The following MST1 variants were observed in gnomAD, a reference collection of about 807,000 sequenced individuals.
MST1 encodes the protein macrophage stimulating 1, also known as hepatocyte growth factor-like protein.
MST1 carries 76 observed loss-of-function variants against 100.1 expected under a neutral mutation model. The observed-to-expected ratio is 0.76, with a 90% CI of 0.63 to 0.92. The LOEUF is 0.92. Among genes scored for constraint, MST1 ranks in the 40% least tolerant of loss-of-function variants. The pLI is 0.00. For missense variants in MST1, 850 were observed against 990.0 expected (o/e 0.86, Z 1.90); for synonymous variants, 352 against 385.4 (o/e 0.91, Z 1.01).
rs139688785 is a variant in MST1 at position 49,685,599 on chromosome 3, A to C, written c.1384T>G (p.Cys462Gly). Residue 462 changes from cysteine (C) to glycine (G), a missense_variant, in exon 11 of 18, where the codon TGC (cysteine) becomes GGC (glycine). By Grantham distance (159) the Cys-to-Gly change is radical. This residue lies in a region of MST1 where 816 missense variants were observed against 924.6 expected (regional missense o/e 0.88). Coordinates refer to ENST00000449682, the MANE Select transcript of MST1 (RefSeq NM_020998.4). Reference sequence around the variant, plus strand: ...GGGAAGCGTCACTAGTGCTCACCGCAGCGTCGCAGGGCACAGTAGTCGAAT... The same window carrying C: ...GGGAAGCGTCACTAGTGCTCACCGCCGCGTCGCAGGGCACAGTAGTCGAAT... Reference protein sequence around the residue: ...TPFDYCALRRCADDQPPSILD... With the variant: ...TPFDYCALRRGADDQPPSILD... 129 of 1,613,244 alleles carry C rather than the reference A, an allele frequency of 8.0e-5. No individual in the cohort carries two copies. Among genetic ancestry groups the C allele is most frequent in the Non-Finnish European group, 1.0e-4 (123 of 1,179,858 alleles).
intron 10 of MST1, 44 bp from the exon 11 acceptor site, chr3:49,685,776 C>A: frequency 2.5e-6 from 4 of 1,612,848 alleles, no homozygotes; most frequent in Non-Finnish European, 1.7e-6. Context: ...TAGTCTCAAC[C>A]ATTTCCAGGC....
At position 49,687,775 on chromosome 3, in the gene MST1, G is replaced by A. The variant is rs752708882; in HGVS notation, c.217C>T (p.Arg73Cys). ...CGGCAGTCCATTAAGGGCCCACAGCGACCAGCACACTCTTCAGCATCTGCC... is the reference window on the plus strand; with the variant it reads ...CGGCAGTCCATTAAGGGCCCACAGCAACCAGCACACTCTTCAGCATCTGCC... ...DVADAEECAG[R>C]CGPLMDCRAF... The change falls in exon 2 of 18, where the codon CGC becomes TGC. Residue 73 changes from arginine (R) to cysteine (C), a missense_variant. Transcript: ENST00000449682. 17 of 1,613,418 alleles carry A rather than the reference G, an allele frequency of 1.1e-5. No individual in the cohort carries two copies. Among genetic ancestry groups the A allele is most frequent in the East Asian group, 2.2e-5 (1 of 44,884 alleles).
At position 49,686,714 on chromosome 3, in the gene MST1, C is replaced by G. The variant is rs769291031; in HGVS notation, c.817G>C (p.Glu273Gln). ...PWCYTTDPQI[E>Q]REFCDLPRCG... ...CGGGGGAGGTCACAGAACTCTCGCT[C>G]GATCTGCGGATCCGTAGTGTAGCAC... is the stretch of plus-strand genomic sequence containing the variant. Residue 273 changes from glutamate to glutamine, a missense_variant, in exon 7 of 18, where the codon GAG (glutamate) becomes CAG (glutamine). By Grantham distance (29) the Glu-to-Gln change is conservative. This residue lies in a region of MST1 where 816 missense variants were observed against 924.6 expected (regional missense o/e 0.88). Transcript: ENST00000449682. 7.6e-6 allele frequency: 12 copies of G among 1,587,194 alleles called. No homozygotes were observed. Among genetic ancestry groups the G allele is most frequent in the Non-Finnish European group, 1.0e-5 (12 of 1,167,814 alleles).
intron 8 of MST1, 53 bp downstream of exon 8, chr3:49,686,260 C>T (rs757126016): frequency 3.7e-6 from 6 of 1,606,130 alleles, no homozygotes; most frequent in South Asian, 3.3e-5. Context: ...TACCTTCCTC[C>T]CGTCTCACCC....
rs759690515 is a variant in MST1, at chr3:49,687,002, C to T, written c.673G>A (p.Glu225Lys). 6.2e-7 allele frequency: 1 copy of T among 1,611,342 alleles called. No homozygotes were observed. Among genetic ancestry groups the T allele is most frequent in the Non-Finnish European group, 8.5e-7 (1 of 1,179,802 alleles). ...GAVDRTESGR[E>K]CQRWDLQHPH... ...TGCTGAAGATCCCAGCGCTGGCACT[C>T]GCGCCCTGACTCCGTGCGGTCTACC... The change falls in exon 6 of 18, where the codon GAG (glutamate) becomes AAG (lysine). Residue 225 changes from glutamate to lysine, a missense_variant. By Grantham distance (56) the Glu-to-Lys change is moderately conservative (BLOSUM62 1). Around this residue, in one of 2 missense-constraint regions of MST1, gnomAD observed 816 missense variants for 924.6 expected, o/e 0.88. Coordinates refer to ENST00000449682, the MANE Select transcript of MST1 (RefSeq NM_020998.4).
Position 49,683,996 on chromosome 3 carries a change from C to T in MST1, c.*32G>A. 1 of 1,601,310 alleles carries T rather than the reference C, an allele frequency of 6.2e-7. No homozygotes were observed. The highest frequency in any genetic ancestry group is 1.7e-4 in the Middle Eastern group (1 of 5,840). ...CTTTATGTCTGACAAGAAGTTTTGT[C>T]CTCCCCAAGGCATATGGCATCAAGG... On this transcript the variant is annotated 3_prime_UTR_variant, in exon 18 of 18. Transcript: ENST00000449682.
At position 49,684,071 on chromosome 3, in the gene MST1, G is replaced by A. The variant is rs1434724624; in HGVS notation, c.2135C>T (p.Ser712Phe). 4 of 1,613,430 alleles carry A rather than the reference G, an allele frequency of 2.5e-6. No homozygotes were observed. The highest frequency in any genetic ancestry group is 3.4e-6 in the Non-Finnish European group (4 of 1,179,800). ...CTTGTGAATCCAGTCCACAAACACAGAGACACGCGTGAAGACAGCTGGCCA... is the reference window on the plus strand; with the variant it reads ...CTTGTGAATCCAGTCCACAAACACAAAGACACGCGTGAAGACAGCTGGCCA... ...SRWPAVFTRV[S>F]VFVDWIHKVM... is the part of the protein sequence containing the mutation. Residue 712 changes from serine to phenylalanine, a missense_variant, in exon 18 of 18, where the codon TCT (serine) becomes TTT (phenylalanine). Ser to Phe is a radical substitution (Grantham distance 155). This residue lies in a region of MST1 where 816 missense variants were observed against 924.6 expected (regional missense o/e 0.88). Transcript: ENST00000449682.
At position 49,684,397 on chromosome 3, in the gene MST1, C is replaced by G; in HGVS notation, c.1933G>C (p.Glu645Gln). 6.2e-7 allele frequency: 1 copy of G among 1,613,392 alleles called. No homozygotes were observed. The highest frequency in any genetic ancestry group is 8.5e-7 in the Non-Finnish European group (1 of 1,179,874). The change falls in exon 17 of 18, where the codon GAG becomes CAG. Residue 645 changes from glutamate to glutamine, a missense_variant. This residue lies in a region of MST1 where 816 missense variants were observed against 924.6 expected (regional missense o/e 0.88). Coordinates refer to ENST00000449682, the MANE Select transcript of MST1 (RefSeq NM_020998.4). ...CGTCCTCGGTGCTTGATGTTACACT[C>G]CTGGTTGGAGATGACATTCAGCAAG... ...VALLNVISNQECNIKHRGRVR... is the reference protein window; with the variant it reads ...VALLNVISNQQCNIKHRGRVR...
chr3:49,684,356 C>G lies in MST1; in HGVS notation c.1974G>C (p.Glu658Asp). ...IKHRGRVRESEMCTEGLLAPV... is the reference protein window; with the variant it reads ...IKHRGRVRESDMCTEGLLAPV... ...GGGCCAACAGTCCCTCAGTGCACATCTCACTCTCCCGCACACGTCCTCGGT... is the reference window on the plus strand; with the variant it reads ...GGGCCAACAGTCCCTCAGTGCACATGTCACTCTCCCGCACACGTCCTCGGT... Residue 658 changes from glutamate to aspartate, a missense_variant, in exon 17 of 18, where the codon GAG becomes GAC. Physicochemically the swap from Glu to Asp is conservative, Grantham distance 45. Around this residue, in one of 2 missense-constraint regions of MST1, gnomAD observed 816 missense variants for 924.6 expected, o/e 0.88. Transcript: ENST00000449682. The G allele has an allele frequency of 6.2e-7, 1 of 1,613,278 alleles. No homozygotes were observed. The highest frequency in any genetic ancestry group is 1.3e-5 in the African/African-American group (1 of 75,056).
At chr3:49,688,123 T>C in intron 1 of MST1, 3 of 656,016 alleles carry the variant, frequency 4.6e-6, no homozygotes, top group Non-Finnish European at 7.7e-6. Flanking sequence ...GGTGCCTCTG[T>C]TTAGTGGCCC....
At chr3:49,687,969 A>G (rs914608722) in intron 1 of MST1, 72 bp from the exon 2 acceptor site, 23 of 1,493,118 alleles carry the variant, frequency 1.5e-5, no homozygotes, top group Non-Finnish European at 2.1e-5. Context: ...GCATGTCCAC[A>G]CTTTGTTCAT....
In MST1 at chr3:49,684,458, A is replaced by C. The variant is rs548020547; in HGVS notation, c.1877-5T>G. ...GGACTGTGTCATTACCCGTACCTGC[A>C]GTGAGGGGAATGGGGAGAGGGAGAG... On this transcript the variant is annotated splice_region_variant and splice_polypyrimidine_tract_variant and intron_variant, in intron 16 of 17. Coordinates refer to ENST00000449682, the MANE Select transcript of MST1 (RefSeq NM_020998.4). The C allele has an allele frequency of 8.5e-5, 137 of 1,613,528 alleles. No homozygotes were observed. In the South Asian group the frequency reaches 9.8e-4, roughly 12 times the overall value.
In MST1 at chr3:49,683,970, G is replaced by A. The variant is rs1365600319; in HGVS notation, c.*58C>T. 35 of 1,582,774 alleles carry A rather than the reference G, an allele frequency of 2.2e-5. No individual in the cohort carries two copies. Among genetic ancestry groups the A allele is most frequent in the South Asian group, 1.3e-4 (11 of 85,864 alleles). On this transcript the variant is annotated 3_prime_UTR_variant, in exon 18 of 18. Transcript: ENST00000449682. ...TGTACAGGCATAAAGAGGAAACATG[G>A]CTTTATGTCTGACAAGAAGTTTTGT...
In MST1 at chr3:49,685,523, A is replaced by G; in HGVS notation, c.1388-17T>C. On this transcript the variant is annotated splice_polypyrimidine_tract_variant and intron_variant, in intron 11 of 17. Transcript: ENST00000449682. ...GGTCATCAGCTGAAAGACAAAGTTC[A>G]CTGGGGTTAAGGGAGCCAGCCTTTG... The G allele has an allele frequency of 6.2e-7, 1 of 1,613,394 alleles. No individual in the cohort carries two copies. Among genetic ancestry groups the G allele is most frequent in the Non-Finnish European group, 8.5e-7 (1 of 1,179,852 alleles).
At position 49,688,959 on chromosome 3, in the gene MST1, G is replaced by GC. The variant is rs2054033650; in HGVS notation, c.-269dup. 2 of 353,074 alleles carry GC rather than the reference G, an allele frequency of 5.7e-6. No individual in the cohort carries two copies. Among genetic ancestry groups the GC allele is most frequent in the Non-Finnish European group, 1.1e-5 (2 of 189,884 alleles). The allele number at this position is 353,074 out of a possible 1,614,324, so 21.9% of individuals were successfully genotyped here. On this transcript the variant is annotated 5_prime_UTR_variant, in exon 1 of 18. The change creates a premature stop within an existing upstream ORF in the 5' untranslated region. Transcript: ENST00000449682. ...CAAGGGCATTGTGAAAGTGAGAGCT[G>GC]CCAGAGGTCTGGGCTCCAGCCCCTG...
intron 15 of MST1, 26 bp from the exon 16 acceptor site, chr3:49,684,682 G>A (rs1210161662): frequency 1.2e-6 from 2 of 1,613,270 alleles, no homozygotes; most frequent in Non-Finnish European, 1.7e-6. Context: ...GGGCACTCAG[G>A]GTCTGAGGCC....
rs1201362472 is a variant in MST1, at chr3:49,684,323, C to A, written c.2007G>T (p.Gly669=). The A allele has an allele frequency of 1.2e-6, 2 of 1,612,952 alleles. No individual in the cohort carries two copies. Among genetic ancestry groups the A allele is most frequent in the African/African-American group, 2.7e-5 (2 of 74,944 alleles). ...GGGCCCTGCCACCAACCTCACAGGCCCCCACAGGGGCCAACAGTCCCTCAG... is the reference window on the plus strand; with the variant it reads ...GGGCCCTGCCACCAACCTCACAGGCACCCACAGGGGCCAACAGTCCCTCAG... The part of the protein sequence containing the change: ...MCTEGLLAPV[G]ACEGDYGGPL... The change falls in exon 17 of 18, where the codon GGG becomes GGT. Residue 669 remains glycine (G), a synonymous_variant. Coordinates refer to ENST00000449682, the MANE Select transcript of MST1 (RefSeq NM_020998.4).
In MST1 at chr3:49,687,484, A is replaced by G. The variant is rs1363610214; in HGVS notation, c.356-6T>C. 1.2e-6 allele frequency: 2 copies of G among 1,613,474 alleles called. No homozygotes were observed. The highest frequency in any genetic ancestry group is 1.7e-6 in the Non-Finnish European group (2 of 1,179,864). On this transcript the variant is annotated splice_region_variant and splice_polypyrimidine_tract_variant and intron_variant, in intron 3 of 17. Transcript: ENST00000449682. ...GATGCAGGTCCGTACGTAGTCTGGG[A>G]GCAAGAGACAGAAGATCAACTTGGG...
Position 49,686,170 on chromosome 3 carries a change from G to A in MST1, c.1039C>T (p.Arg347Trp), listed in dbSNP as rs199969873. 3 of 1,611,546 alleles carry A rather than the reference G, an allele frequency of 1.9e-6. No homozygotes were observed. Among genetic ancestry groups the A allele is most frequent in the South Asian group, 2.2e-5 (2 of 90,950 alleles). Reference sequence around the variant, plus strand: ...GGCGCCTCTGAGCCGTCGGGGTTCCGGCAGAAGTTCTCCCGAAGGTCTCTA... The same window carrying A: ...GGCGCCTCTGAGCCGTCGGGGTTCCAGCAGAAGTTCTCCCGAAGGTCTCTA... ...ACKDLRENFC[R>W]NPDGSEAPWC... The change falls in exon 9 of 18, where the codon CGG becomes TGG. Residue 347 changes from arginine (R) to tryptophan (W), a missense_variant. By Grantham distance (101) the Arg-to-Trp change is moderately radical. This residue lies in a region of MST1 where 816 missense variants were observed against 924.6 expected (regional missense o/e 0.88). Transcript: ENST00000449682.
Sources: gnomAD v4.1 joint callset for allele counts on GRCh38, gnomAD v4.1.1 for gene constraint, gnomAD v4.1.1 regional missense constraint, MANE v1.5 for transcripts, NCBI Gene and HGNC (gene_info 2026-07-23, HGNC 2026-07-21) for gene names.